WWOX: variants seen among roughly 807,000 people sequenced by gnomAD.
WWOX encodes WW domain-containing oxidoreductase.
A neutral mutation model predicts 46.2 loss-of-function variants in WWOX; 69 were observed. The ratio of observed to expected loss-of-function variants is 1.49; its 90% CI spans 1.23 to 1.82. WWOX has a LOEUF of 1.82. Among genes scored for constraint, WWOX ranks in the 40% most tolerant of loss-of-function variants. The probability of loss-of-function intolerance (pLI) is 0.00; values close to 1 mark genes in which losing one functional copy is unlikely to be tolerated. For missense variants in WWOX, 919 were observed against 542.6 expected (o/e 1.69, Z -6.89); for synonymous variants, 359 against 202.6 (o/e 1.77, Z -6.56).
At chr16:78,524,408 GTTTATTTA>G (rs751207225) in intron 8 of WWOX, among the ~76,000 whole-genome samples, 7 of 121,934 alleles carry the variant, frequency 5.7e-5, no homozygotes, top group African/African-American at 1.4e-4. Flanking sequence ...TTATTTATTT[GTTTATTTA>G]TTTATTTATT....
intron 8 of WWOX, among the ~76,000 whole-genome samples, chr16:78,581,603 A>C (rs1320358861): frequency 6.6e-6 from 1 of 152,154 alleles, no homozygotes; most frequent in Non-Finnish European, 1.5e-5. Context: ...CAGTAAATGC[A>C]CTGAAACATG....
intron 8 of WWOX, among the ~76,000 whole-genome samples, chr16:78,939,526 C>G (rs910834118): frequency 5.9e-5 from 9 of 152,204 alleles, no homozygotes; most frequent in African/African-American, 1.7e-4. Flanking sequence ...ATGAATAAAG[C>G]AGGAGATTTA....
At chr16:79,158,703 A>G (rs1488928141) in intron 8 of WWOX, among the ~76,000 whole-genome samples, 1 of 152,156 alleles carries the variant, frequency 6.6e-6, no homozygotes, top group Non-Finnish European at 1.5e-5. Flanking sequence ...TGTAAGTCAG[A>G]TCTCAGATTA....
chr16:78,851,136 T>C (rs970029213), intron 8 of WWOX, among the ~76,000 whole-genome samples: 2 of 152,200 alleles, frequency 1.3e-5, no homozygotes, highest in African/African-American at 4.8e-5. Flanking sequence ...TCATTAACAA[T>C]ATGGCTTTCA....
chr16:78,536,940 AGAGT>A (rs1260756037), intron 8 of WWOX, among the ~76,000 whole-genome samples: 1 of 136,316 alleles, frequency 7.3e-6, no homozygotes, highest in Non-Finnish European at 1.5e-5. Context: ...TTTGAGAGAG[AGAGT>A]CTCACTCTGT....
chr16:78,529,440 T>G (rs2043565009), intron 8 of WWOX, among the ~76,000 whole-genome samples: 1 of 152,026 alleles, frequency 6.6e-6, no homozygotes, highest in African/African-American at 2.4e-5. Context: ...CCGTGGGCTC[T>G]TTCTGGACCT....
At chr16:78,360,623 C>G (rs1567523965) in intron 5 of WWOX, among the ~76,000 whole-genome samples, 2 of 45,550 alleles carry the variant, frequency 4.4e-5, no homozygotes, top group African/African-American at 1.2e-4. Context: ...CAATATTTCA[C>G]AGTACCTCTA....
chr16:79,175,638 G>A (rs567156813), intron 8 of WWOX, among the ~76,000 whole-genome samples: 1 of 152,328 alleles, frequency 6.6e-6, no homozygotes, highest in African/African-American at 2.4e-5. Context: ...TAACTCAGCT[G>A]TGATGAGGAC....
chr16:78,360,169 T>G (rs1056365416), intron 5 of WWOX, among the ~76,000 whole-genome samples: 26 of 152,292 alleles, frequency 1.7e-4, no homozygotes, highest in African/African-American at 5.8e-4. Flanking sequence ...TCAATATTAC[T>G]TTCTAAAAGC....
At chr16:78,539,229 G>T (rs759611380) in intron 8 of WWOX, among the ~76,000 whole-genome samples, 1 of 152,210 alleles carries the variant, frequency 6.6e-6, no homozygotes, top group Admixed American at 6.5e-5. Flanking sequence ...GAACTATGGT[G>T]GTTAGGTTAG....
At chr16:78,139,329 C>G (rs988541398) in intron 4 of WWOX, among the ~76,000 whole-genome samples, 5 of 152,144 alleles carry the variant, frequency 3.3e-5, no homozygotes, top group Admixed American at 6.5e-5. Flanking sequence ...TGTTGCTTTT[C>G]TAATGATTCA....
chr16:79,167,958 C>T (rs1337116166), intron 8 of WWOX, among the ~76,000 whole-genome samples: 1 of 152,176 alleles, frequency 6.6e-6, no homozygotes, highest in Non-Finnish European at 1.5e-5. Context: ...TCTGGGTATA[C>T]CACATAAAAG....
intron 8 of WWOX, among the ~76,000 whole-genome samples, chr16:78,589,198 G>A (rs559323704): frequency 2.0e-5 from 3 of 152,298 alleles, no homozygotes; most frequent in Admixed American, 2.0e-4. Context: ...TTATTTTTTA[G>A]AGTTTCTTAT....
chr16:79,160,458 A>G (rs528229129), intron 8 of WWOX, among the ~76,000 whole-genome samples: 10 of 152,212 alleles, frequency 6.6e-5, no homozygotes, highest in Admixed American at 2.6e-4. Flanking sequence ...AGATCAGATG[A>G]ACCCTCGATA....
intron 8 of WWOX, among the ~76,000 whole-genome samples, chr16:79,103,865 T>C (rs2049252013): frequency 6.6e-6 from 1 of 152,116 alleles, no homozygotes; most frequent in Non-Finnish European, 1.5e-5. Context: ...TGCCTGTAGA[T>C]ACACTCTGTA....
chr16:78,574,280 C>A (rs1230911441), intron 8 of WWOX, among the ~76,000 whole-genome samples: 2 of 152,132 alleles, frequency 1.3e-5, no homozygotes, highest in African/African-American at 2.4e-5. Context: ...ATCACATTTG[C>A]CAGATTTCTG....
At chr16:78,265,853 G>T (rs902311336) in intron 5 of WWOX, 1 of 151,872 alleles carries the variant, frequency 6.6e-6, no homozygotes, top group South Asian at 2.1e-4. Context: ...TTAATAAATT[G>T]TCTATCCTGT....
At position 78,988,040 on chromosome 16, in the gene WWOX, C is replaced by T. The variant is rs566921356; in HGVS notation, c.1057-223568C>T. 2.4e-3 allele frequency among the ~76,000 whole-genome samples: 368 copies of T among 151,548 alleles called. 1 individual carries two copies. Among genetic ancestry groups the T allele is most frequent in the African/African-American group, 8.5e-3 (350 of 41,320 alleles). ...GGGGGGTGGTCAAGGTGTAGGGAAA[C>T]ATAAAAGAGAGCGAATTTCTGGTCT... On this transcript the variant is annotated intron_variant, in intron 8 of 8. Coordinates refer to ENST00000566780, the MANE Select transcript of WWOX (RefSeq NM_016373.4).
At chr16:78,221,069 A>G (rs1644758172) in intron 5 of WWOX, among the ~76,000 whole-genome samples, 1 of 152,192 alleles carries the variant, frequency 6.6e-6, no homozygotes, top group African/African-American at 2.4e-5. Flanking sequence ...AGATTTTATT[A>G]TATATCACAT....
Sources: allele counts gnomAD v4.1 joint callset (sites outside exome capture counted in the v4.1 genomes callset), GRCh38; gene constraint gnomAD v4.1.1; transcripts MANE v1.5; gene names NCBI Gene and HGNC (gene_info 2026-07-23, HGNC 2026-07-21).